PTPRO: variants seen among roughly 807,000 people sequenced by gnomAD.
The protein encoded by PTPRO is receptor-type tyrosine-protein phosphatase O.
PTPRO carries 62 observed loss-of-function variants against 145.2 expected under a neutral mutation model. The observed-to-expected ratio is 0.43, with a 90% CI of 0.35 to 0.53. The LOEUF is 0.53. Among genes scored for constraint, PTPRO ranks in the 20% least tolerant of loss-of-function variants. The pLI is 0.01. For synonymous variants in PTPRO, 565 were observed against 514.7 expected (o/e 1.10, Z -1.32); for missense variants, 1,345 against 1,482.7 (o/e 0.91, Z 1.53).
intron 2 of PTPRO, among the ~76,000 whole-genome samples, chr12:15,485,377 T>C (rs1198546087): frequency 1.3e-5 from 2 of 152,024 alleles, no homozygotes; most frequent in African/African-American, 2.4e-5. Flanking sequence ...TTAAACAAGC[T>C]CTAGAAAAAG....
intron 1 of PTPRO, among the ~76,000 whole-genome samples, chr12:15,466,137 A>G (rs1941409656): frequency 6.6e-6 from 1 of 152,146 alleles, no homozygotes; most frequent in Non-Finnish European, 1.5e-5. Flanking sequence ...GATTTTTTTA[A>G]TCAAAATCTT....
chr12:15,378,280 T>C (rs907004867), intron 1 of PTPRO, among the ~76,000 whole-genome samples: 1 of 151,972 alleles, frequency 6.6e-6, no homozygotes, highest in African/African-American at 2.4e-5. Flanking sequence ...CATACTCAGA[T>C]TACTGAAATC....
chr12:15,475,574 G>A (rs187582), intron 1 of PTPRO, among the ~76,000 whole-genome samples: 142,035 of 152,276 alleles, frequency 0.93, 66,843 homozygotes, highest in East Asian at 1. Context: ...CTGAGATTCC[G>A]AATAAGTCCT....
chr12:15,546,940 TCAGA>T (rs1296524300), intron 13 of PTPRO, among the ~76,000 whole-genome samples: 1 of 152,158 alleles, frequency 6.6e-6, no homozygotes, highest in Non-Finnish European at 1.5e-5. Context: ...TCACTCCAGG[TCAGA>T]CAAAGGAATA....
chr12:15,382,607 A>G (rs868550659), intron 1 of PTPRO, among the ~76,000 whole-genome samples: 1 of 152,244 alleles, frequency 6.6e-6, no homozygotes, highest in Admixed American at 6.5e-5. Context: ...GCAGGCACAG[A>G]GAATTATCTG....
chr12:15,517,725 C>G (rs1942628972), intron 9 of PTPRO, among the ~76,000 whole-genome samples: 1 of 152,216 alleles, frequency 6.6e-6, no homozygotes, highest in African/African-American at 2.4e-5. Flanking sequence ...AGTCAAATCT[C>G]AAAGCTCCAA....
intron 1 of PTPRO, among the ~76,000 whole-genome samples, chr12:15,413,745 G>A (rs1360629183): frequency 6.6e-6 from 1 of 152,092 alleles, no homozygotes; most frequent in Non-Finnish European, 1.5e-5. Flanking sequence ...AGCCTGAGAG[G>A]CGGAGGTTGC....
At chr12:15,457,921 T>C (rs1941216527) in intron 1 of PTPRO, among the ~76,000 whole-genome samples, 1 of 152,224 alleles carries the variant, frequency 6.6e-6, no homozygotes, top group Non-Finnish European at 1.5e-5. Context: ...GTGTTCTGTT[T>C]TGTCTATATA....
intron 1 of PTPRO, among the ~76,000 whole-genome samples, chr12:15,414,926 G>A (rs1939905270): frequency 6.6e-6 from 1 of 152,106 alleles, no homozygotes; most frequent in Admixed American, 6.5e-5. Context: ...TCCACCTAAT[G>A]GTTGTTTAAA....
chr12:15,486,472 C>CT (rs1565658345), intron 2 of PTPRO, among the ~76,000 whole-genome samples: 2 of 151,286 alleles, frequency 1.3e-5, no homozygotes, highest in South Asian at 2.1e-4. Flanking sequence ...TTGAGTCTTG[C>CT]TTTTTTTTTC....
At chr12:15,542,050 G>A (rs1943191466) in intron 12 of PTPRO, among the ~76,000 whole-genome samples, 1 of 152,112 alleles carries the variant, frequency 6.6e-6, no homozygotes, top group African/African-American at 2.4e-5. Flanking sequence ...CTAAGGGTTA[G>A]GGTTTCAGCA....
intron 1 of PTPRO, among the ~76,000 whole-genome samples, chr12:15,420,120 C>G (rs1355365899): frequency 1.5e-5 from 2 of 134,402 alleles, no homozygotes; most frequent in Admixed American, 1.6e-4. Flanking sequence ...GCACTCTAGC[C>G]TGGGCGAAAG....
At chr12:15,416,082 T>G (rs1314825780) in intron 1 of PTPRO, among the ~76,000 whole-genome samples, 1 of 151,746 alleles carries the variant, frequency 6.6e-6, no homozygotes, top group East Asian at 1.9e-4. Flanking sequence ...GGCCAGGAAC[T>G]ATTTCTTATT....
chr12:15,425,878 C>T (rs1044065975), intron 1 of PTPRO, among the ~76,000 whole-genome samples: 2 of 151,940 alleles, frequency 1.3e-5, no homozygotes, highest in Admixed American at 1.3e-4. Flanking sequence ...ATACTTGTCA[C>T]TGTTCTCATT....
At chr12:15,459,784 A>G (rs949181956) in intron 1 of PTPRO, among the ~76,000 whole-genome samples, 1 of 152,212 alleles carries the variant, frequency 6.6e-6, no homozygotes. Context: ...AAAATTCTGA[A>G]CACCAAGTTG....
intron 1 of PTPRO, 148 bp from the exon 2 acceptor site, chr12:15,483,826 T>C: frequency 1.3e-6 from 1 of 785,584 alleles, no homozygotes; most frequent in Non-Finnish European, 2.0e-6. Context: ...AAAATACCTA[T>C]GTAACTCTAT....
intron 18 of PTPRO, among the ~76,000 whole-genome samples, chr12:15,568,702 C>A (rs1490365104): frequency 6.6e-6 from 1 of 152,158 alleles, no homozygotes; most frequent in Non-Finnish European, 1.5e-5. Flanking sequence ...AAAGTGAGAA[C>A]TTCTGCTGCG....
At chr12:15,551,065 G>A (rs1218521304) in intron 14 of PTPRO, among the ~76,000 whole-genome samples, 1 of 152,162 alleles carries the variant, frequency 6.6e-6, no homozygotes, top group Non-Finnish European at 1.5e-5. Flanking sequence ...AAGTGCTTCA[G>A]CAGATGGTAG....
At chr12:15,473,416 CG>C (rs1338356218) in intron 1 of PTPRO, among the ~76,000 whole-genome samples, 1 of 152,074 alleles carries the variant, frequency 6.6e-6, no homozygotes, top group Non-Finnish European at 1.5e-5. Context: ...ATCCGGTGAA[CG>C]TAATTACCGA....
Sources: allele counts gnomAD v4.1 joint callset (sites outside exome capture counted in the v4.1 genomes callset), GRCh38; gene constraint gnomAD v4.1.1; transcripts MANE v1.5; gene names NCBI Gene and HGNC (gene_info 2026-07-23, HGNC 2026-07-21).